Variants in TRPM5 observed in about 807,000 individuals in gnomAD.
TRPM5 encodes transient receptor potential cation channel subfamily M member 5, also known as MLSN1 and TRP-related.
In TRPM5, 121 loss-of-function variants were observed where a neutral mutation model predicts 124.9. The ratio of observed to expected loss-of-function variants is 0.97; its 90% confidence interval spans 0.84 to 1.13. TRPM5 has a LOEUF of 1.13. TRPM5 is among the 50% of genes most tolerant of loss of function. The probability of loss-of-function intolerance (pLI) is 0.00; values close to 1 mark genes in which losing one functional copy is unlikely to be tolerated. For synonymous variants in TRPM5, 781 were observed against 700.5 expected (o/e 1.11, Z -1.81); for missense variants, 1,643 against 1,589.1 (o/e 1.03, Z -0.58).
chr11:2,425,193 C>T (rs1376452536), upstream of TRPM5, among the ~76,000 whole-genome samples: 2 of 152,074 alleles, frequency 1.3e-5, no homozygotes, highest in African/African-American at 4.8e-5. Flanking sequence ...AAACAAAGGG[C>T]CACACTCTCG....
In TRPM5 at chr11:2,405,613, C is replaced by G; in HGVS notation, c.3325-20G>C. Reference sequence around the variant, plus strand: ...GTTGATCTGGAGAAGGGAAACACGTCCGGGAAGCTCCAGGGCTCTCTCAGG... The same window carrying G: ...GTTGATCTGGAGAAGGGAAACACGTGCGGGAAGCTCCAGGGCTCTCTCAGG... On this transcript the variant is annotated intron_variant, in intron 22 of 23. Coordinates refer to ENST00000155858, the Ensembl canonical transcript of TRPM5. 1 of 1,553,850 alleles carries G rather than the reference C, an allele frequency of 6.4e-7. No homozygotes were observed. The highest frequency in any genetic ancestry group is 8.7e-7 in the Non-Finnish European group (1 of 1,148,246).
At chr11:2,443,574 C>T in the TRPM5 span, among the ~76,000 whole-genome samples, 1 of 152,212 alleles carries the variant, frequency 6.6e-6, no homozygotes, top group African/African-American at 2.4e-5. This position sits in a 1 kb window ranked among gnomAD's most constrained non-coding sequence, Gnocchi z 5.0. Flanking sequence ...TGGCACCTCA[C>T]TAGGGTGGGG....
At chr11:2,410,649 G>A (rs533663108) in intron 18 of TRPM5, 22 of 451,460 alleles carry the variant, frequency 4.9e-5, no homozygotes, top group South Asian at 2.7e-4. Flanking sequence ...ATGGCCAAGC[G>A]GCTCTGACCC....
At chr11:2,418,887 A>T (rs756215945) in intron 4 of TRPM5, among the ~76,000 whole-genome samples, 21 of 152,202 alleles carry the variant, frequency 1.4e-4, no homozygotes, top group Non-Finnish European at 2.6e-4. Context: ...CTACAGGTGC[A>T]CTGCCACACT....
upstream of TRPM5, chr11:2,423,188 C>T: frequency 1.6e-6 from 1 of 641,900 alleles, no homozygotes; most frequent in Non-Finnish European, 2.7e-6. Flanking sequence ...TGCCCCCAGG[C>T]ATCTCTGCCC....
At chr11:2,411,745 C>T (rs981652617) in exon 17 of TRPM5, 1 of 1,612,632 alleles carries the variant, frequency 6.2e-7, no homozygotes, top group Non-Finnish European at 8.5e-7. Context: ...GTGCGGCCAG[C>T]CTCAAACGCC....
rs747433330 is a variant in TRPM5, at chr11:2,404,892, G to A, written c.*45C>T. The A allele has an allele frequency of 2.0e-6, 3 of 1,526,762 alleles. No individual in the cohort carries two copies. The African/African-American group carries it at 4.1e-5, about 21-fold the overall frequency. 94.6% of individuals were successfully genotyped at this position (1,526,762 alleles called of 1,614,324 possible). On this transcript the variant is annotated 3_prime_UTR_variant, in exon 24 of 24. Coordinates refer to ENST00000155858, the Ensembl canonical transcript of TRPM5. ...AAGGTCAGTGCACAACGTGCAGGGT[G>A]GCCAGCTGAGGAGAGGTGGCCCCAC...
chr11:2,407,891 G>C (rs1172245472), exon 19 of TRPM5: 1 of 1,613,728 alleles, frequency 6.2e-7, no homozygotes, highest in African/African-American at 1.3e-5. Flanking sequence ...CAGTGGGTGG[G>C]TGGAGCAGTT....
chr11:2,436,168 T>C, the TRPM5 span, among the ~76,000 whole-genome samples: 6 of 152,218 alleles, frequency 3.9e-5, no homozygotes, highest in African/African-American at 1.4e-4. Flanking sequence ...CCTCCCCTAC[T>C]GATCACCCAT....
At chr11:2,406,896 G>T in intron 20 of TRPM5, 103 bp from the exon 26 acceptor site, 1 of 1,490,370 alleles carries the variant, frequency 6.7e-7, no homozygotes, top group Non-Finnish European at 9.0e-7. Flanking sequence ...GAAGGAGTGA[G>T]TGGGGCCCAG....
At chr11:2,405,398 G>T in intron 23 of TRPM5, 129 bp downstream of exon 28, 2 of 1,002,076 alleles carry the variant, frequency 2.0e-6, no homozygotes, top group Non-Finnish European at 2.9e-6. Context: ...GCCGCGTCCA[G>T]CCAAGGCCTC....
At chr11:2,409,430 A>G (rs1850397691) in intron 18 of TRPM5, among the ~76,000 whole-genome samples, 1 of 152,146 alleles carries the variant, frequency 6.6e-6, no homozygotes, top group Non-Finnish European at 1.5e-5. Flanking sequence ...AGGCGCCACC[A>G]GGCCGGGCTG....
the TRPM5 span, among the ~76,000 whole-genome samples, chr11:2,444,152 G>A: frequency 6.6e-6 from 1 of 152,098 alleles, no homozygotes; most frequent in Non-Finnish European, 1.5e-5. Flanking sequence ...CCCACTGGGA[G>A]GTACCTGACA....
the TRPM5 span, among the ~76,000 whole-genome samples, chr11:2,436,905 C>A: frequency 1.3e-5 from 2 of 152,338 alleles, no homozygotes; most frequent in African/African-American, 4.8e-5. Context: ...AGAAGCACCC[C>A]GCTCGCCCAC....
chr11:2,412,828 G>A, exon 15 of TRPM5: 1 of 1,603,956 alleles, frequency 6.2e-7, no homozygotes, highest in Non-Finnish European at 8.5e-7. Context: ...GGGCCCTGGG[G>A]GGGCGGCCTG....
At chr11:2,436,315 G>GC in the TRPM5 span, among the ~76,000 whole-genome samples, 3 of 152,210 alleles carry the variant, frequency 2.0e-5, no homozygotes, top group Non-Finnish European at 4.4e-5. Flanking sequence ...CAGAGGGTGA[G>GC]CCCCCCACAC....
At position 2,414,250 on chromosome 11, in the gene TRPM5, C is replaced by T. The variant is rs202191339; in HGVS notation, c.1745-44G>A. 2.0e-5 allele frequency: 31 copies of T among 1,578,218 alleles called. No individual in the cohort carries two copies. In the East Asian group the frequency reaches 3.7e-4, roughly 19 times the overall value. ...GCCGCTAGGACGAGACGCCGATGCC[C>T]GGCCCGGCCCCCGACGCCCCTCCTC... On this transcript the variant is annotated intron_variant, in intron 11 of 23. Coordinates refer to ENST00000155858, the Ensembl canonical transcript of TRPM5.
At chr11:2,440,768 G>C in the TRPM5 span, among the ~76,000 whole-genome samples, 1 of 152,250 alleles carries the variant, frequency 6.6e-6, no homozygotes, top group African/African-American at 2.4e-5. This position sits in a 1 kb window ranked among gnomAD's most constrained non-coding sequence, Gnocchi z 5.2. Context: ...ATGATTGAAT[G>C]AATGAATAGG....
At chr11:2,424,324 G>A (rs1443978380), upstream of TRPM5, among the ~76,000 whole-genome samples, 1 of 152,238 alleles carries the variant, frequency 6.6e-6, no homozygotes, top group Non-Finnish European at 1.5e-5. Flanking sequence ...TGGGACCCCT[G>A]GGGCTGGCTT....
Sources: gnomAD v4.1 joint callset for allele counts (sites outside exome capture counted in the v4.1 genomes callset) on GRCh38, gnomAD v4.1.1 for gene constraint, Gnocchi (gnomAD v3.1) non-coding constraint, MANE v1.5 for transcripts, NCBI Gene and HGNC (gene_info 2026-07-23, HGNC 2026-07-21) for gene names.